The following PEAR1 variants were observed in gnomAD, a reference collection of about 807,000 sequenced individuals.
PEAR1 encodes the protein platelet endothelial aggregation receptor 1.
In PEAR1, 113 loss-of-function variants were observed where a neutral mutation model predicts 131.2. The ratio of observed to expected loss-of-function variants is 0.86; its 90% CI spans 0.74 to 1.01. The LOEUF is 1.01. Ranked by LOEUF, PEAR1 falls within the 50% of genes least tolerant of loss-of-function variation. The pLI is 0.00. For synonymous variants in PEAR1, 565 were observed against 523.3 expected, an observed-to-expected ratio of 1.08 and a Z score of -1.09; for missense variants, 1,408 against 1,391.1, an observed-to-expected ratio of 1.01 and a Z score of -0.19.
intron 15 of PEAR1, 110 bp from the exon 16 acceptor site, chr1:156,912,137 T>C: frequency 1.5e-6 from 2 of 1,357,508 alleles, no homozygotes; most frequent in Non-Finnish European, 2.0e-6. Context: ...AGCTTTGGTG[T>C]GCCCAGGGAG....
intron 22 of PEAR1, among the ~76,000 whole-genome samples, chr1:156,914,311 T>A (rs703156): frequency 0.28 from 42,685 of 152,058 alleles, 7,983 homozygotes; most frequent in African/African-American, 0.54. Flanking sequence ...TGGTGTACCT[T>A]CTTCGCAGAG....
rs1650590641 is a variant in PEAR1, at chr1:156,908,203, T to C, written c.978T>C (p.Arg326=). The C allele has an allele frequency of 6.2e-7, 1 of 1,603,106 alleles. No individual in the cohort carries two copies. The highest frequency in any genetic ancestry group is 1.1e-5 in the South Asian group (1 of 90,384). Reference sequence around the variant, plus strand: ...CGTGCGACTGCGCCCCGGACGCCCGTTGCTTCCCGGCCAACGGCGCATGTC... The same window carrying C: ...CGTGCGACTGCGCCCCGGACGCCCGCTGCTTCCCGGCCAACGGCGCATGTC... ...AETCDCAPDA[R]CFPANGACLC... is the part of the protein sequence containing the mutation. Residue 326 remains arginine, a synonymous_variant, in exon 9 of 23, where the codon CGT becomes CGC. Coordinates refer to ENST00000292357, the MANE Select transcript of PEAR1 (RefSeq NM_001080471.3). The surrounding 1 kb of genome is among the most constrained non-coding windows in gnomAD (Gnocchi z 4.2).
In PEAR1 at chr1:156,904,809, T is replaced by G. The variant is rs752983536; in HGVS notation, c.163T>G (p.Cys55Gly). The change falls in exon 3 of 23, where the codon TGC becomes GGC. Residue 55 changes from cysteine (C) to glycine (G), a missense_variant. By Grantham distance (159) the Cys-to-Gly change is radical. Coordinates refer to ENST00000292357, the MANE Select transcript of PEAR1 (RefSeq NM_001080471.3). ...CTTCAGCCTGCTCCCCTCAGAGCCCTGCGAGCGGCCCTGGGAGGGCCCCCA... is the reference window on the plus strand; with the variant it reads ...CTTCAGCCTGCTCCCCTCAGAGCCCGGCGAGCGGCCCTGGGAGGGCCCCCA... ...RPFSLLPSEP[C>G]ERPWEGPHTC... 6.2e-7 allele frequency: 1 copy of G among 1,613,862 alleles called. No homozygotes were observed. Among genetic ancestry groups the G allele is most frequent in the South Asian group, 1.1e-5 (1 of 91,056 alleles).
In PEAR1 at chr1:156,904,769, G is replaced by A. The variant is rs771580423; in HGVS notation, c.123G>A (p.Glu41=). The A allele has an allele frequency of 6.2e-7, 1 of 1,612,944 alleles. No homozygotes were observed. ...GCAGCTTCACTACCACCACCAAGGAGTCCCACTCCCGCCCCTTCAGCCTGC... is the reference window on the plus strand; with the variant it reads ...GCAGCTTCACTACCACCACCAAGGAATCCCACTCCCGCCCCTTCAGCCTGC... ...FWESFTTTTK[E]SHSRPFSLLP... Residue 41 remains glutamate, a synonymous_variant, in exon 3 of 23, where the codon GAG becomes GAA. Transcript: ENST00000292357.
chr1:156,907,085 G>A (rs735954), intron 6 of PEAR1, among the ~76,000 whole-genome samples: 6,698 of 152,310 alleles, frequency 0.044, 175 homozygotes, highest in South Asian at 0.099. Flanking sequence ...TTTCCTGTCT[G>A]TAAAACGGGA....
At chr1:156,914,495 C>A in intron 22 of PEAR1, 152 bp from the exon 23 acceptor site, 1 of 765,846 alleles carries the variant, frequency 1.3e-6, no homozygotes, top group Non-Finnish European at 2.0e-6. Context: ...GCCGCACGGC[C>A]AGCTGATAGT....
chr1:156,898,543 G>A (rs1489752741), intron 1 of PEAR1, among the ~76,000 whole-genome samples: 1 of 152,226 alleles, frequency 6.6e-6, no homozygotes, highest in Admixed American at 6.5e-5. Context: ...AGTGCAGCAG[G>A]CTGCTGGGGG....
chr1:156,908,373 G>C lies in PEAR1; in HGVS notation c.1115+33G>C, dbSNP rs965621020. 25 of 1,471,488 alleles carry C rather than the reference G, an allele frequency of 1.7e-5. No homozygotes were observed. Among genetic ancestry groups the C allele is most frequent in the Non-Finnish European group, 2.3e-5 (25 of 1,109,654 alleles). The allele number at this position is 1,471,488 out of a possible 1,614,324, so 91.2% of individuals were successfully genotyped here. ...GCGGGACATGTGGTCAAAGGATCAGGAGGCCAATGGGGAGGTCTTCCTGGC... is the reference window on the plus strand; with the variant it reads ...GCGGGACATGTGGTCAAAGGATCAGCAGGCCAATGGGGAGGTCTTCCTGGC... On this transcript the variant is annotated intron_variant, in intron 9 of 22. Transcript: ENST00000292357. The surrounding 1 kb of genome is among the most constrained non-coding windows in gnomAD (Gnocchi z 4.2).
chr1:156,909,282 C>T (rs1570973154), intron 11 of PEAR1, among the ~76,000 whole-genome samples: 1 of 152,208 alleles, frequency 6.6e-6, no homozygotes, highest in African/African-American at 2.4e-5. Flanking sequence ...CACTGGCGAA[C>T]GTCCCTCACC....
intron 1 of PEAR1, among the ~76,000 whole-genome samples, chr1:156,896,913 T>C (rs899820581): frequency 6.6e-6 from 1 of 152,234 alleles, no homozygotes; most frequent in Non-Finnish European, 1.5e-5. Flanking sequence ...TGAAAAGTTC[T>C]TTCTGCATTC....
Position 156,915,381 on chromosome 1 carries a change from T to C in PEAR1, c.*583T>C, listed in dbSNP as rs557732603. ...TTTGCTCTTCTGCCAGTATCAAAAC[T>C]TTTGAAGGCCTTAAAGGCCCTGCTT... On this transcript the variant is annotated 3_prime_UTR_variant, in exon 23 of 23. Coordinates refer to ENST00000292357, the MANE Select transcript of PEAR1 (RefSeq NM_001080471.3). 1 of 152,278 alleles carries C rather than the reference T, an allele frequency of 6.6e-6. No homozygotes were observed. The highest frequency in any genetic ancestry group is 1.5e-5 in the Non-Finnish European group (1 of 68,096). 9.4% of individuals were successfully genotyped at this position (152,278 alleles called of 1,614,324 possible).
Position 156,913,381 on chromosome 1 carries a change from C to A in PEAR1, c.2512-10C>A, listed in dbSNP as rs369828390. On this transcript the variant is annotated splice_polypyrimidine_tract_variant and intron_variant, in intron 19 of 22. Transcript: ENST00000292357. ...CCTCTTGCTCTCCCTCCTGCACTGT[C>A]CCCTCTTAGGTTCCAGGCCCGCTCT... 2 of 1,612,976 alleles carry A rather than the reference C, an allele frequency of 1.2e-6. No individual in the cohort carries two copies. Among genetic ancestry groups the A allele is most frequent in the African/African-American group, 1.3e-5 (1 of 74,870 alleles).
At chr1:156,907,497 CA>C in intron 6 of PEAR1, 112 bp from the exon 7 acceptor site, 4 of 1,468,286 alleles carry the variant, frequency 2.7e-6, no homozygotes, top group Non-Finnish European at 3.6e-6. Flanking sequence ...CAGGAAAGAG[CA>C]AGTGTGAATC....
chr1:156,912,911 G>A lies in PEAR1; in HGVS notation c.2351G>A (p.Gly784Asp). ...ATTGGCTATCGGCACTGGCAAAAAG[G>A]CAAGGAGCACCACCACCTGGCTGTG... The part of the protein sequence containing the change: ...LFIGYRHWQK[G>D]KEHHHLAVAY... The change falls in exon 18 of 23, where the codon GGC (glycine) becomes GAC (aspartate). Residue 784 changes from glycine to aspartate, a missense_variant. Transcript: ENST00000292357. 1 of 1,614,248 alleles carries A rather than the reference G, an allele frequency of 6.2e-7. No homozygotes were observed.
At position 156,912,319 on chromosome 1, in the gene PEAR1, C is replaced by T; in HGVS notation, c.2024C>T (p.Pro675Leu). The T allele has an allele frequency of 1.2e-6, 2 of 1,614,034 alleles. No homozygotes were observed. The highest frequency in any genetic ancestry group is 1.7e-6 in the Non-Finnish European group (2 of 1,179,982). The change falls in exon 16 of 23, where the codon CCC becomes CTC. Residue 675 changes from proline (P) to leucine (L), a missense_variant. Physicochemically the swap from Pro to Leu is moderately conservative, Grantham distance 98 (BLOSUM62 -3). Coordinates refer to ENST00000292357, the MANE Select transcript of PEAR1 (RefSeq NM_001080471.3). Reference sequence around the variant, plus strand: ...TGTCACCATGGTGGGACCTGCCATCCCCAGGATGGGAGCTGTATCTGCCCC... The same window carrying T: ...TGTCACCATGGTGGGACCTGCCATCTCCAGGATGGGAGCTGTATCTGCCCC... ...CQCHHGGTCH[P>L]QDGSCICPLG...
rs551667148 is a variant in PEAR1 at position 156,903,813 on chromosome 1, G to T, written c.-9-105G>T. 4.5e-6 allele frequency: 4 copies of T among 884,496 alleles called. No homozygotes were observed. In the African/African-American group the frequency reaches 4.9e-5, roughly 11 times the overall value. 54.8% of individuals were successfully genotyped at this position (884,496 alleles called of 1,614,324 possible). On this transcript the variant is annotated intron_variant, in intron 1 of 22. Transcript: ENST00000292357. ...GCAAGGGGCCAGAGGACACGGGGCC[G>T]CAGTCTGGTCTCTTCTGCATGCCCA...
intron 18 of PEAR1, 71 bp from the exon 19 acceptor site, chr1:156,913,123 C>G (rs550070025): frequency 1.2e-5 from 18 of 1,564,528 alleles, no homozygotes; most frequent in African/African-American, 5.4e-5. Context: ...TACTGATCTC[C>G]GGGGACAAAA....
chr1:156,894,397 G>A (rs1467642610), intron 1 of PEAR1, among the ~76,000 whole-genome samples: 1 of 152,206 alleles, frequency 6.6e-6, no homozygotes, highest in Admixed American at 6.5e-5. Flanking sequence ...GCAAAAACGT[G>A]TCTCCTGCTT....
At chr1:156,911,437 A>G (rs1470847620) in intron 15 of PEAR1, among the ~76,000 whole-genome samples, 1 of 150,908 alleles carries the variant, frequency 6.6e-6, no homozygotes, top group Non-Finnish European at 1.5e-5. Context: ...ACACCACCAC[A>G]GCAGGCTAAT....
Sources: allele counts gnomAD v4.1 joint callset (sites outside exome capture counted in the v4.1 genomes callset), GRCh38; gene constraint gnomAD v4.1.1; non-coding constraint Gnocchi (gnomAD v3.1); transcripts MANE v1.5; gene names NCBI Gene and HGNC (gene_info 2026-07-23, HGNC 2026-07-21).